The following SRGAP3 variants were observed in gnomAD, a reference collection of about 807,000 sequenced individuals.
SRGAP3 encodes the protein SLIT-ROBO Rho GTPase-activating protein 3.
Under a neutral mutation model 121.1 loss-of-function variants are expected in SRGAP3, and 39 were observed. That is an observed-to-expected ratio of 0.32 (90% CI 0.25 to 0.42). The LOEUF (loss-of-function observed/expected upper bound fraction) is 0.42. SRGAP3 is among the 10% of genes least tolerant of loss of function. The probability of loss-of-function intolerance (pLI) is 1.00; values close to 1 mark genes in which losing one functional copy is unlikely to be tolerated. For missense variants in SRGAP3, 1,213 were observed against 1,470.6 expected, an observed-to-expected ratio of 0.82 and a Z score of 2.86; for synonymous variants, 601 against 570.0, an observed-to-expected ratio of 1.05 and a Z score of -0.77.
chr3:9,000,084 C>T (rs1356405386), intron 18 of SRGAP3, among the ~76,000 whole-genome samples: 1 of 152,182 alleles, frequency 6.6e-6, no homozygotes, highest in Non-Finnish European at 1.5e-5. Context: ...TGCAGTCAAG[C>T]ACACAGGGCT....
chr3:9,141,796 G>C (rs993877309), intron 1 of SRGAP3, among the ~76,000 whole-genome samples: 4 of 152,054 alleles, frequency 2.6e-5, no homozygotes, highest in Non-Finnish European at 5.9e-5. Flanking sequence ...GTTGTCAGCT[G>C]GTCAAGTTTC....
At chr3:9,169,574 A>G (rs1459674526) in intron 1 of SRGAP3, among the ~76,000 whole-genome samples, 1 of 152,236 alleles carries the variant, frequency 6.6e-6, no homozygotes, top group Non-Finnish European at 1.5e-5. Flanking sequence ...AATTTCTGCT[A>G]AGCTGAAATG....
chr3:9,141,060 AAAT>A (rs1323590382), intron 1 of SRGAP3, among the ~76,000 whole-genome samples: 1 of 152,228 alleles, frequency 6.6e-6, no homozygotes, highest in Non-Finnish European at 1.5e-5. Context: ...TGTTAATACT[AAAT>A]AATAACCATA....
intron 3 of SRGAP3, among the ~76,000 whole-genome samples, chr3:9,258,505 G>A (rs528408565): frequency 6.6e-6 from 1 of 152,322 alleles, no homozygotes; most frequent in South Asian, 2.1e-4. Context: ...GGCCTTTGAG[G>A]AAGGTGACTC....
At chr3:9,208,394 G>A (rs922258006) in intron 1 of SRGAP3, among the ~76,000 whole-genome samples, 4 of 152,210 alleles carry the variant, frequency 2.6e-5, no homozygotes, top group Admixed American at 2.0e-4. Context: ...CCACCAGACC[G>A]AGATCCAACT....
In SRGAP3 at chr3:9,196,978, A is replaced by G. The variant is rs185139608; in HGVS notation, c.67+51907T>C. On this transcript the variant is annotated intron_variant, in intron 1 of 21. Transcript: ENST00000383836. ...AGAAAAACAACATATTCTTTTCTAA[A>G]ACACACCTCTCCAAAGTTTTCGTCC... Among the ~76,000 whole-genome samples, 3 of 152,336 alleles carry G rather than the reference A, an allele frequency of 2.0e-5. No homozygotes were observed. In the East Asian group the frequency reaches 5.8e-4, roughly 29 times the overall value.
intron 4 of SRGAP3, among the ~76,000 whole-genome samples, chr3:9,074,856 C>T (rs1040079497): frequency 1.4e-4 from 22 of 152,198 alleles, no homozygotes; most frequent in Admixed American, 1.4e-3. Flanking sequence ...CCAGCTGCTA[C>T]TGGGTATGAA....
At chr3:9,052,755 C>CA (rs1945641792) in intron 9 of SRGAP3, among the ~76,000 whole-genome samples, 1 of 152,188 alleles carries the variant, frequency 6.6e-6, no homozygotes, top group Non-Finnish European at 1.5e-5. Context: ...CTTATCACCC[C>CA]ACTGAATAAA....
At chr3:9,058,806 G>A (rs1036722146) in intron 6 of SRGAP3, 4 of 280,250 alleles carry the variant, frequency 1.4e-5, no homozygotes, top group Admixed American at 5.5e-5. Context: ...TGCTACCTCC[G>A]CCTCCCGGGT....
At chr3:9,167,222 C>T (rs1166189090) in intron 1 of SRGAP3, among the ~76,000 whole-genome samples, 1 of 152,148 alleles carries the variant, frequency 6.6e-6, no homozygotes, top group Non-Finnish European at 1.5e-5. Context: ...CAGCCTCCAT[C>T]CTACCTGCCC....
rs972053848 is a variant in SRGAP3, at chr3:8,985,263, G to T, written c.*256C>A. On this transcript the variant is annotated 3_prime_UTR_variant, in exon 22 of 22. Coordinates refer to ENST00000383836, the MANE Select transcript of SRGAP3 (RefSeq NM_014850.4). The surrounding 1 kb of genome is among the most constrained non-coding windows in gnomAD (Gnocchi z 5.1). ...TGTGGTATTTTGCCTCCATGTTAGG[G>T]AATGCTGTGGTTGGGGCTGCTGGAG... 1.5e-6 allele frequency: 1 copy of T among 673,574 alleles called. No individual in the cohort carries two copies. The highest frequency in any genetic ancestry group is 3.1e-5 in the East Asian group (1 of 32,086). 41.7% of individuals were successfully genotyped at this position (673,574 alleles called of 1,614,324 possible).
chr3:9,090,012 G>A (rs766749861), intron 3 of SRGAP3, among the ~76,000 whole-genome samples: 3 of 152,044 alleles, frequency 2.0e-5, no homozygotes, highest in Non-Finnish European at 2.9e-5. Flanking sequence ...AGATCTAGTG[G>A]TGCCTAAACA....
At chr3:9,296,653 T>C (rs1047370944) in intron 3 of SRGAP3, among the ~76,000 whole-genome samples, 1 of 152,206 alleles carries the variant, frequency 6.6e-6, no homozygotes, top group Non-Finnish European at 1.5e-5. Context: ...CCACTTCTTA[T>C]CAGCAGAATG....
intron 3 of SRGAP3, among the ~76,000 whole-genome samples, chr3:9,263,750 C>G (rs1424955891): frequency 1.3e-5 from 2 of 152,104 alleles, no homozygotes; most frequent in East Asian, 1.9e-4. Flanking sequence ...ACAAAAAAAG[C>G]CCAGGACCAG....
At chr3:9,176,652 C>T (rs1402044027) in intron 1 of SRGAP3, among the ~76,000 whole-genome samples, 1 of 152,162 alleles carries the variant, frequency 6.6e-6, no homozygotes, top group African/African-American at 2.4e-5. Context: ...GGGGAGGCCT[C>T]AGGAGGCTTC....
chr3:9,223,567 A>T (rs1289612817), intron 1 of SRGAP3, among the ~76,000 whole-genome samples: 1 of 152,206 alleles, frequency 6.6e-6, no homozygotes, highest in African/African-American at 2.4e-5. Context: ...CTCATGATAC[A>T]TTAAAGATAC....
At chr3:9,209,931 G>C (rs1952389965) in intron 1 of SRGAP3, among the ~76,000 whole-genome samples, 1 of 152,106 alleles carries the variant, frequency 6.6e-6, no homozygotes, top group African/African-American at 2.4e-5. Flanking sequence ...AACCAAATGT[G>C]CTATATCCTA....
chr3:9,080,784 T>C (rs930837206), intron 3 of SRGAP3, among the ~76,000 whole-genome samples: 1 of 152,090 alleles, frequency 6.6e-6, no homozygotes, highest in Admixed American at 6.5e-5. Context: ...GCACGCTCCT[T>C]ATGAAAATCT....
intron 3 of SRGAP3, among the ~76,000 whole-genome samples, chr3:9,297,803 C>T (rs921327713): frequency 3.3e-5 from 5 of 151,056 alleles, no homozygotes; most frequent in Non-Finnish European, 7.4e-5. Context: ...GGCTGAGGCA[C>T]GAGAATCGCT....
Sources: allele counts gnomAD v4.1 joint callset (sites outside exome capture counted in the v4.1 genomes callset), GRCh38; gene constraint gnomAD v4.1.1; non-coding constraint Gnocchi (gnomAD v3.1); transcripts MANE v1.5; gene names NCBI Gene and HGNC (gene_info 2026-07-23, HGNC 2026-07-21).